The following MMP20 variants were observed in gnomAD, a reference collection of about 807,000 sequenced individuals.
MMP20 encodes the protein matrix metalloproteinase-20.
Under a neutral mutation model 51.8 loss-of-function variants are expected in MMP20, and 50 were observed. The ratio of observed to expected loss-of-function variants is 0.97; its 90% CI spans 0.77 to 1.22. MMP20 has a LOEUF of 1.22. Ranked by LOEUF, MMP20 falls within the 50% of genes most tolerant of loss-of-function variation. MMP20 has a pLI of 0.00. For missense variants in MMP20, 663 were observed against 601.4 expected, an observed-to-expected ratio of 1.10 and a Z score of -1.07; for synonymous variants, 244 against 216.2, an observed-to-expected ratio of 1.13 and a Z score of -1.13.
chr11:102,612,842 T>C (rs1711414), intron 2 of MMP20, among the ~76,000 whole-genome samples: 62,411 of 151,046 alleles, frequency 0.41, 13,377 homozygotes, highest in South Asian at 0.59. Context: ...GTTCAATTGA[T>C]TCTCCTGCCT....
intron 9 of MMP20, among the ~76,000 whole-genome samples, chr11:102,578,363 C>T (rs1195255816): frequency 6.6e-6 from 1 of 152,110 alleles, no homozygotes; most frequent in Non-Finnish European, 1.5e-5. Flanking sequence ...TATTGAATTC[C>T]TGGGCTGAAG....
intron 7 of MMP20, 92 bp downstream of exon 7, chr11:102,594,529 A>G: frequency 1.3e-6 from 2 of 1,534,264 alleles, no homozygotes; most frequent in Non-Finnish European, 1.8e-6. Context: ...GTGCTCCATG[A>G]TGACTGGAAA....
In MMP20 at chr11:102,625,219, C is replaced by T. The variant is rs1859806672; in HGVS notation, c.101G>A (p.Trp34Ter). ...PSLVAASPRT[W>*]RNNYRLAQAY... ...CTGTGCGAGGCGGTAGTTGTTCCTC[C>T]AGGTCCTGGGGGAGGCTGCAACTAG... The change falls in exon 1 of 10, where the codon TGG becomes TAG. Residue 34 changes from tryptophan (W) to a stop codon, truncating the protein, a stop_gained. Transcript: ENST00000260228. LOFTEE classifies it high-confidence loss of function. 6.2e-7 allele frequency: 1 copy of T among 1,613,938 alleles called. No individual in the cohort carries two copies. Among genetic ancestry groups the T allele is most frequent in the South Asian group, 1.1e-5 (1 of 91,066 alleles).
Position 102,582,399 on chromosome 11 carries a change from TG to T in MMP20, c.1248-3258del, listed in dbSNP as rs1201049071. Among the ~76,000 whole-genome samples, 6 of 152,278 alleles carry T rather than the reference TG, an allele frequency of 3.9e-5. No homozygotes were observed. In the East Asian group the frequency reaches 9.6e-4, roughly 24 times the overall value. On this transcript the variant is annotated intron_variant, in intron 8 of 9. Transcript: ENST00000260228. ...GAATTTACTGATAAGGTTTCTAAGA[TG>T]GTTTCAGGAAGTTTTCTCAAGGTGA... is the stretch of plus-strand genomic sequence containing the variant.
In MMP20 at chr11:102,616,805, T is replaced by G; in HGVS notation, c.374+7A>C. 1 of 1,614,148 alleles carries G rather than the reference T, an allele frequency of 6.2e-7. No individual in the cohort carries two copies. The highest frequency in any genetic ancestry group is 8.5e-7 in the Non-Finnish European group (1 of 1,179,990). On this transcript the variant is annotated splice_region_variant and intron_variant, in intron 2 of 9. Coordinates refer to ENST00000260228, the MANE Select transcript of MMP20 (RefSeq NM_004771.4). Reference sequence around the variant, plus strand: ...TCTCTGAATTTGGAAAGACTTGATCTCATTACCTGTATGTCAAAGTATTTT... The same window carrying G: ...TCTCTGAATTTGGAAAGACTTGATCGCATTACCTGTATGTCAAAGTATTTT...
intron 8 of MMP20, among the ~76,000 whole-genome samples, chr11:102,592,402 T>G (rs1859328081): frequency 6.6e-6 from 1 of 152,210 alleles, no homozygotes; most frequent in Non-Finnish European, 1.5e-5. Context: ...TGCAATTCCT[T>G]CTTTATAAAA....
intron 2 of MMP20, among the ~76,000 whole-genome samples, chr11:102,616,285 T>G (rs1697286960): frequency 6.6e-6 from 1 of 152,162 alleles, no homozygotes; most frequent in Non-Finnish European, 1.5e-5. Context: ...AGAGCTATGC[T>G]TTTGCACTTT....
intron 3 of MMP20, among the ~76,000 whole-genome samples, chr11:102,610,580 T>A (rs1302685235): frequency 1.3e-5 from 2 of 152,178 alleles, no homozygotes; most frequent in East Asian, 3.8e-4. Context: ...GGAAAACATA[T>A]GAAAGTCATA....
At position 102,624,578 on chromosome 11, in the gene MMP20, C is replaced by T. The variant is rs114780399; in HGVS notation, c.126+616G>A. Reference sequence around the variant, plus strand: ...AATACACAAAGTTTAAGTACATAAACGTTGTACTTTGTACTTACTACATAA... The same window carrying T: ...AATACACAAAGTTTAAGTACATAAATGTTGTACTTTGTACTTACTACATAA... On this transcript the variant is annotated intron_variant, in intron 1 of 9. Transcript: ENST00000260228. Among the ~76,000 whole-genome samples, 689 of 152,046 alleles carry T rather than the reference C, an allele frequency of 4.5e-3. 1 individual carries two copies. Among genetic ancestry groups the T allele is most frequent in the East Asian group, 0.019 (100 of 5,178 alleles).
chr11:102,620,041 C>T (rs1048253497), intron 1 of MMP20, among the ~76,000 whole-genome samples: 1 of 152,112 alleles, frequency 6.6e-6, no homozygotes, highest in Non-Finnish European at 1.5e-5. Flanking sequence ...TAGTAAAACA[C>T]TTGTCTCATT....
At chr11:102,624,031 G>A (rs1859784387) in intron 1 of MMP20, among the ~76,000 whole-genome samples, 1 of 152,254 alleles carries the variant, frequency 6.6e-6, no homozygotes, top group South Asian at 2.1e-4. Context: ...CATCAGCTGT[G>A]CTGTTCATCT....
chr11:102,620,202 T>G (rs920917089), intron 1 of MMP20, among the ~76,000 whole-genome samples: 1 of 152,226 alleles, frequency 6.6e-6, no homozygotes, highest in Non-Finnish European at 1.5e-5. Flanking sequence ...AGTTAATGTT[T>G]GAGCTCTTTT....
At chr11:102,583,891 C>T (rs1279760204) in intron 8 of MMP20, among the ~76,000 whole-genome samples, 1 of 152,208 alleles carries the variant, frequency 6.6e-6, no homozygotes, top group African/African-American at 2.4e-5. Context: ...TGCAGATTTT[C>T]ATGACTGACA....
chr11:102,605,495 A>G (rs1450720662), intron 6 of MMP20: 2 of 151,592 alleles, frequency 1.3e-5, no homozygotes, highest in African/African-American at 2.4e-5. Flanking sequence ...ATACAAGATA[A>G]GGAACATCAC....
rs1171821025 is a variant in MMP20, at chr11:102,609,110, G to A, written c.650-12C>T. The A allele has an allele frequency of 2.5e-6, 4 of 1,613,666 alleles. No individual in the cohort carries two copies. Among genetic ancestry groups the A allele is most frequent in the Non-Finnish European group, 3.4e-6 (4 of 1,179,698 alleles). ...AAACAAATTAAAACCTAGACAATAT[G>A]AGAGAGAAAAAAACAGTATCAACAC... On this transcript the variant is annotated splice_polypyrimidine_tract_variant and intron_variant, in intron 4 of 9. Coordinates refer to ENST00000260228, the MANE Select transcript of MMP20 (RefSeq NM_004771.4).
chr11:102,606,726 AC>A, intron 5 of MMP20, 50 bp from the exon 6 acceptor site: 6 of 1,605,698 alleles, frequency 3.7e-6, no homozygotes, highest in Non-Finnish European at 5.1e-6. Flanking sequence ...TTTGGAGTTC[AC>A]ACACTTCTGC....
At chr11:102,602,468 G>A (rs1859460662) in intron 6 of MMP20, among the ~76,000 whole-genome samples, 1 of 152,128 alleles carries the variant, frequency 6.6e-6, no homozygotes, top group South Asian at 2.1e-4. Flanking sequence ...CAAGCAGAGG[G>A]TGTGGAAGCA....
chr11:102,610,818 A>G (rs1213605376), intron 3 of MMP20, among the ~76,000 whole-genome samples: 3 of 151,656 alleles, frequency 2.0e-5, no homozygotes, highest in Non-Finnish European at 1.5e-5. Flanking sequence ...CTCAGGTTTC[A>G]GTGAAATGCA....
chr11:102,590,486 C>A lies in MMP20; in HGVS notation c.1247+2953G>T, dbSNP rs116815722. ...TAATCCAACCTGGCCCCAAGCCAAC[C>A]TTCAATCCTCTGTGGAGGAAGTTCC... On this transcript the variant is annotated intron_variant, in intron 8 of 9. Coordinates refer to ENST00000260228, the MANE Select transcript of MMP20 (RefSeq NM_004771.4). 4.9e-3 allele frequency among the ~76,000 whole-genome samples: 750 copies of A among 152,302 alleles called. 3 individuals are homozygous for A. The highest frequency in any genetic ancestry group is 0.017 in the African/African-American group (703 of 41,558).
Sources: allele counts gnomAD v4.1 joint callset (sites outside exome capture counted in the v4.1 genomes callset), GRCh38; gene constraint gnomAD v4.1.1; transcripts MANE v1.5; gene names NCBI Gene and HGNC (gene_info 2026-07-23, HGNC 2026-07-21).